The following RBM17 variants were observed in gnomAD, a reference collection of about 807,000 sequenced individuals.
RBM17 encodes splicing factor 45.
In RBM17, 7 loss-of-function variants were observed where a neutral mutation model predicts 53.2. The observed-to-expected ratio is 0.13, with a 90% CI of 0.07 to 0.25. The LOEUF (loss-of-function observed/expected upper bound fraction) is 0.25. RBM17 is among the 10% of genes least tolerant of loss of function. The pLI is 1.00. For synonymous variants in RBM17, 167 were observed against 178.1 expected (o/e 0.94, Z 0.50); for missense variants, 257 against 496.7 (o/e 0.52, Z 4.59).
At position 6,115,242 on chromosome 10, in the gene RBM17, C is replaced by A. The variant is rs1840897030; in HGVS notation, c.1033C>A (p.Pro345Thr). The A allele has an allele frequency of 3.7e-6, 6 of 1,611,762 alleles. No individual in the cohort carries two copies. Among genetic ancestry groups the A allele is most frequent in the Non-Finnish European group, 5.1e-6 (6 of 1,179,190 alleles). The change falls in exon 11 of 12, where the codon CCT becomes ACT. Residue 345 changes from proline (P) to threonine (T), a missense_variant. Physicochemically the swap from Pro to Thr is conservative, Grantham distance 38 (BLOSUM62 -1). Around this residue, in one of 6 missense-constraint regions of RBM17, gnomAD observed 49 missense variants for 114.8 expected, o/e 0.43. Transcript: ENST00000379888. ...KVGKCVIFEI[P>T]GAPDDEAVRI... is the part of the protein sequence containing the mutation. ...TCACGCTCTCATTTTCTTCCAGATT[C>A]CTGGTGCCCCTGATGATGAAGCAGT... is the stretch of plus-strand genomic sequence containing the variant.
chr10:6,101,291 T>C lies in RBM17; in HGVS notation c.144T>C (p.Ser48=). ...TQAKSQRTKQ[S]TVLAPVIDLK... Reference sequence around the variant, plus strand: ...TTTAGAGCCAAAGGACGAAACAAAGTACAGTCCTCGCCCCAGTCATTGACC... The same window carrying C: ...TTTAGAGCCAAAGGACGAAACAAAGCACAGTCCTCGCCCCAGTCATTGACC... Residue 48 remains serine (S), a synonymous_variant, in exon 3 of 12, where the codon AGT becomes AGC. Coordinates refer to ENST00000379888, the MANE Select transcript of RBM17 (RefSeq NM_032905.5). 2 of 1,606,636 alleles carry C rather than the reference T, an allele frequency of 1.2e-6. No homozygotes were observed. Among genetic ancestry groups the C allele is most frequent in the South Asian group, 1.1e-5 (1 of 89,578 alleles).
chr10:6,106,878 A>T (rs1210000966), intron 5 of RBM17, among the ~76,000 whole-genome samples: 1 of 152,196 alleles, frequency 6.6e-6, no homozygotes, highest in Non-Finnish European at 1.5e-5. Flanking sequence ...TGCCCATCAT[A>T]TGTATAGTTG....
chr10:6,094,412 CAA>C (rs146310206), intron 1 of RBM17, among the ~76,000 whole-genome samples: 5,178 of 152,242 alleles, frequency 0.034, 274 homozygotes, highest in African/African-American at 0.12. Context: ...GAGTTGCAAA[CAA>C]ATTTTGATTT....
At position 6,106,146 on chromosome 10, in the gene RBM17, G is replaced by A. The variant is rs780062896; in HGVS notation, c.413G>A (p.Arg138His). The change falls in exon 5 of 12, where the codon CGT becomes CAT. Residue 138 changes from arginine to histidine, a missense_variant. Coordinates refer to ENST00000379888, the MANE Select transcript of RBM17 (RefSeq NM_032905.5). ...QKEIEEREKR[R>H]KDRHEASGFA... ...TATTTCCTTTGTTATCACAGAAGGC[G>A]TAAAGACAGACATGAAGCAAGTGGG... 13 of 1,611,634 alleles carry A rather than the reference G, an allele frequency of 8.1e-6. No homozygotes were observed. The highest frequency in any genetic ancestry group is 1.7e-5 in the Admixed American group (1 of 59,980).
At chr10:6,110,940 A>T (rs986183671) in intron 7 of RBM17, among the ~76,000 whole-genome samples, 1 of 142,820 alleles carries the variant, frequency 7.0e-6, no homozygotes, top group Non-Finnish European at 1.6e-5. Context: ...TTGGACAGAC[A>T]TGAAGCTGGT....
intron 1 of RBM17, among the ~76,000 whole-genome samples, chr10:6,091,759 G>C (rs533684742): frequency 6.6e-6 from 1 of 152,128 alleles, no homozygotes; most frequent in African/African-American, 2.4e-5. Flanking sequence ...CCTTTAGGGG[G>C]CTTACACTGC....
At chr10:6,097,589 T>G (rs920268311) in intron 2 of RBM17, among the ~76,000 whole-genome samples, 1 of 152,146 alleles carries the variant, frequency 6.6e-6, no homozygotes, top group Non-Finnish European at 1.5e-5. Context: ...GAGAATGGCG[T>G]GAACCCGGGA....
chr10:6,095,944 C>A (rs893973579), intron 1 of RBM17, among the ~76,000 whole-genome samples: 2 of 152,156 alleles, frequency 1.3e-5, no homozygotes, highest in African/African-American at 4.8e-5. Flanking sequence ...TTTTCCTCCT[C>A]TCCTGAGCCA....
intron 6 of RBM17, 63 bp from the exon 7 acceptor site, chr10:6,109,923 A>G: frequency 7.6e-7 from 1 of 1,323,444 alleles, no homozygotes; most frequent in East Asian, 2.5e-5. Context: ...TAATTGATAC[A>G]AGTGAGGTTT....
intron 3 of RBM17, among the ~76,000 whole-genome samples, chr10:6,103,339 A>T (rs1840697569): frequency 6.6e-6 from 1 of 152,154 alleles, no homozygotes; most frequent in Non-Finnish European, 1.5e-5. Flanking sequence ...TCATTGCAGC[A>T]TTTAGAAAAG....
At chr10:6,113,362 A>T in intron 8 of RBM17, 146 bp from the exon 9 acceptor site, 1 of 594,472 alleles carries the variant, frequency 1.7e-6, no homozygotes, top group Non-Finnish European at 3.0e-6. Flanking sequence ...TCGCTCAGAG[A>T]CCAATTGTGT....
At chr10:6,104,663 G>C (rs1413531720) in intron 3 of RBM17, among the ~76,000 whole-genome samples, 1 of 152,150 alleles carries the variant, frequency 6.6e-6, no homozygotes, top group African/African-American at 2.4e-5. Context: ...TTAGCTGGTG[G>C]TGGCTTATTT....
At chr10:6,094,855 G>A (rs182709212) in intron 1 of RBM17, among the ~76,000 whole-genome samples, 20 of 152,300 alleles carry the variant, frequency 1.3e-4, no homozygotes, top group Admixed American at 2.0e-4. Context: ...AGAGGGCTTC[G>A]CAAATGGAGT....
intron 6 of RBM17, 81 bp downstream of exon 6, chr10:6,108,823 G>C (rs1840794139): frequency 2.7e-6 from 3 of 1,120,444 alleles, no homozygotes; most frequent in Non-Finnish European, 4.0e-6. Context: ...TGGGCCCCCA[G>C]GTTTCCTGAG....
chr10:6,112,161 C>A lies in RBM17; in HGVS notation c.705-49C>A. The A allele has an allele frequency of 4.4e-6, 7 of 1,589,000 alleles. No homozygotes were observed. The highest frequency in any genetic ancestry group is 1.1e-5 in the South Asian group (1 of 89,486). On this transcript the variant is annotated intron_variant, in intron 7 of 11. Transcript: ENST00000379888. The surrounding 1 kb of genome is among the most constrained non-coding windows in gnomAD (Gnocchi z 4.4). ...GTGATGGAAAAATGCAACCTATCTCCAGTTGACGATGTCAAGGCTAAGAGT... is the reference window on the plus strand; with the variant it reads ...GTGATGGAAAAATGCAACCTATCTCAAGTTGACGATGTCAAGGCTAAGAGT...
intron 5 of RBM17, among the ~76,000 whole-genome samples, chr10:6,107,980 C>A (rs1260720179): frequency 6.6e-6 from 1 of 152,124 alleles, no homozygotes; most frequent in Non-Finnish European, 1.5e-5. Context: ...CACTGATGTT[C>A]TCCTTCCAGT....
chr10:6,092,970 C>T (rs1315441899), intron 1 of RBM17, among the ~76,000 whole-genome samples: 1 of 152,176 alleles, frequency 6.6e-6, no homozygotes, highest in African/African-American at 2.4e-5. Flanking sequence ...GACATGGAAT[C>T]AGAGGAGATG....
intron 3 of RBM17, among the ~76,000 whole-genome samples, chr10:6,104,183 G>A (rs979213266): frequency 3.3e-5 from 5 of 152,220 alleles, no homozygotes; most frequent in African/African-American, 1.2e-4. Flanking sequence ...GTCTGCTCAT[G>A]TATTTCCTAG....
At position 6,115,233 on chromosome 10, in the gene RBM17, T is replaced by A; in HGVS notation, c.1030-6T>A. The A allele has an allele frequency of 6.2e-7, 1 of 1,609,860 alleles. No individual in the cohort carries two copies. Among genetic ancestry groups the A allele is most frequent in the Non-Finnish European group, 8.5e-7 (1 of 1,178,604 alleles). ...CTTTACTCATCACGCTCTCATTTTC[T>A]TCCAGATTCCTGGTGCCCCTGATGA... On this transcript the variant is annotated splice_region_variant and splice_polypyrimidine_tract_variant and intron_variant, in intron 10 of 11. Transcript: ENST00000379888.
Sources: allele counts gnomAD v4.1 joint callset (sites outside exome capture counted in the v4.1 genomes callset), GRCh38; gene constraint gnomAD v4.1.1; regional missense constraint gnomAD v4.1.1; non-coding constraint Gnocchi (gnomAD v3.1); transcripts MANE v1.5; gene names NCBI Gene and HGNC (gene_info 2026-07-23, HGNC 2026-07-21).